The following TMEM71 variants were observed in gnomAD, a reference collection of about 807,000 sequenced individuals.
The protein encoded by TMEM71 is transmembrane protein 71.
In TMEM71, 44 loss-of-function variants were observed where a neutral mutation model predicts 38.0. The observed-to-expected ratio is 1.16, with a 90% confidence interval of 0.91 to 1.49. The LOEUF is 1.49. Among genes scored for constraint, TMEM71 ranks in the 40% most tolerant of loss-of-function variants. The pLI, the probability that TMEM71 is intolerant of heterozygous loss-of-function variation, is 0.00. For synonymous variants in TMEM71, 133 were observed against 122.5 expected, an observed-to-expected ratio of 1.09 and a Z score of -0.56; for missense variants, 367 against 348.6, an observed-to-expected ratio of 1.05 and a Z score of -0.42.
Position 132,718,913 on chromosome 8 carries a change from G to A in TMEM71, c.752+3127C>T, listed in dbSNP as rs567031655. 7.5e-4 allele frequency among the ~76,000 whole-genome samples: 114 copies of A among 152,062 alleles called. 1 individual carries two copies. The highest frequency in any genetic ancestry group is 9.1e-4 in the Non-Finnish European group (62 of 67,984). ...ATGTGAATCATTTGAAAGAGATTAC[G>A]AATAAATACAAAAAGGAAAAGAAAA... On this transcript the variant is annotated intron_variant, in intron 7 of 9. Coordinates refer to ENST00000677595, the MANE Select transcript of TMEM71 (RefSeq NM_001382403.1).
chr8:132,710,776 A>C lies in TMEM71; in HGVS notation c.*191T>G. 1 of 615,174 alleles carries C rather than the reference A, an allele frequency of 1.6e-6. No homozygotes were observed. The highest frequency in any genetic ancestry group is 2.9e-6 in the Non-Finnish European group (1 of 343,120). The allele number at this position is 615,174 out of a possible 1,614,324, so 38.1% of individuals were successfully genotyped here. A position where few individuals can be genotyped will look rare whatever the true frequency, so the allele number is the denominator to read the frequency against. ...GGGAAGGCAAATTAATATTATTTTC[A>C]TGAGCATATTATAATTTTGATGGAA... On this transcript the variant is annotated 3_prime_UTR_variant, in exon 10 of 10. Transcript: ENST00000677595.
At chr8:132,765,082 G>T (rs1829346329), upstream of TMEM71, among the ~76,000 whole-genome samples, 1 of 152,168 alleles carries the variant, frequency 6.6e-6, no homozygotes, top group Non-Finnish European at 1.5e-5. Flanking sequence ...CAACCTTCAA[G>T]CCTTAGTGGC....
At chr8:132,774,796 T>G in the TMEM71 span, among the ~76,000 whole-genome samples, 1 of 152,318 alleles carries the variant, frequency 6.6e-6, no homozygotes, top group African/African-American at 2.4e-5. Context: ...TAGCCATAGG[T>G]TAAGGTTATT....
chr8:132,721,508 T>A (rs528233881), intron 7 of TMEM71, among the ~76,000 whole-genome samples: 2 of 152,050 alleles, frequency 1.3e-5, no homozygotes, highest in Non-Finnish European at 2.9e-5. Flanking sequence ...GTACACTGGG[T>A]TTTGTATGCT....
chr8:132,728,017 T>C, intron 5 of TMEM71, 31 bp from the exon 6 acceptor site: 1 of 506,278 alleles, frequency 2.0e-6, no homozygotes, highest in Non-Finnish European at 2.6e-6. Context: ...AGTGTGAGTG[T>C]GTGTGTGTGT....
chr8:132,733,740 G>A (rs550889018), intron 5 of TMEM71, among the ~76,000 whole-genome samples: 6 of 152,254 alleles, frequency 3.9e-5, no homozygotes, highest in South Asian at 2.1e-4. Context: ...GCCAAGATGC[G>A]GAAGCAGCCT....
intron 9 of TMEM71, among the ~76,000 whole-genome samples, chr8:132,712,865 G>A (rs528885662): frequency 2.0e-5 from 3 of 151,552 alleles, no homozygotes; most frequent in East Asian, 3.9e-4. Context: ...TTGTTTTTAA[G>A]ACAAATTCTC....
chr8:132,764,206 T>TAC (rs1334252059), upstream of TMEM71, among the ~76,000 whole-genome samples: 1 of 152,160 alleles, frequency 6.6e-6, no homozygotes, highest in Non-Finnish European at 1.5e-5. Context: ...GGGCTCCAGC[T>TAC]ACATCAAATC....
chr8:132,736,449 C>A (rs969385618), intron 5 of TMEM71, among the ~76,000 whole-genome samples: 1 of 152,020 alleles, frequency 6.6e-6, no homozygotes, highest in Non-Finnish European at 1.5e-5. Flanking sequence ...GTACAAAATT[C>A]CAGTCAGACA....
At chr8:132,771,140 G>A in the TMEM71 span, among the ~76,000 whole-genome samples, 1 of 152,128 alleles carries the variant, frequency 6.6e-6, no homozygotes, top group African/African-American at 2.4e-5. Context: ...CATATTCAAT[G>A]TACTTCTATT....
chr8:132,713,951 A>G (rs371187265), intron 9 of TMEM71, 44 bp downstream of exon 9: 10 of 1,589,216 alleles, frequency 6.3e-6, no homozygotes, highest in South Asian at 1.1e-5. Context: ...TCAAATTATG[A>G]TCACCTTGGT....
chr8:132,768,910 C>G, the TMEM71 span, among the ~76,000 whole-genome samples: 3 of 152,236 alleles, frequency 2.0e-5, no homozygotes, highest in African/African-American at 7.2e-5. Flanking sequence ...CAGTTAGAGC[C>G]CAAATGCTGA....
the TMEM71 span, among the ~76,000 whole-genome samples, chr8:132,772,892 A>C: frequency 6.6e-6 from 1 of 152,226 alleles, no homozygotes; most frequent in Non-Finnish European, 1.5e-5. Flanking sequence ...CTCAAATACT[A>C]TGAGTAATTA....
chr8:132,725,047 T>TC (rs11412907), intron 6 of TMEM71, among the ~76,000 whole-genome samples: 1,092 of 49,728 alleles, frequency 0.022, 9 homozygotes, highest in South Asian at 0.075. Flanking sequence ...CTTTTTTTTC[T>TC]TTTTTTTTTT....
chr8:132,714,886 T>C (rs1221166284), intron 7 of TMEM71, among the ~76,000 whole-genome samples: 1 of 152,068 alleles, frequency 6.6e-6, no homozygotes, highest in Non-Finnish European at 1.5e-5. Flanking sequence ...GCAACCCACT[T>C]GAAAAAATGA....
intron 3 of TMEM71, among the ~76,000 whole-genome samples, chr8:132,753,774 C>G (rs1260291192): frequency 6.6e-6 from 1 of 152,146 alleles, no homozygotes; most frequent in Non-Finnish European, 1.5e-5. Flanking sequence ...AGAAAAAAAT[C>G]TCCATTATCG....
chr8:132,755,326 C>G (rs958526154), intron 3 of TMEM71, among the ~76,000 whole-genome samples: 1 of 152,208 alleles, frequency 6.6e-6, no homozygotes, highest in Non-Finnish European at 1.5e-5. Context: ...TGAACAATAT[C>G]AAACCTTTAG....
chr8:132,775,314 A>C, the TMEM71 span: 1 of 341,204 alleles, frequency 2.9e-6, no homozygotes, highest in East Asian at 4.5e-5. Flanking sequence ...AACCCTCGTG[A>C]GTCACGTGAC....
At chr8:132,752,820 GAAGGAAGA>G (rs1290335812) in intron 3 of TMEM71, among the ~76,000 whole-genome samples, 15 of 130,576 alleles carry the variant, frequency 1.1e-4, no homozygotes, top group Non-Finnish European at 1.6e-4. Context: ...AGGAAGAAGG[GAAGGAAGA>G]AAGGAAGGAA....
Sources: gnomAD v4.1 joint callset for allele counts (sites outside exome capture counted in the v4.1 genomes callset) on GRCh38, gnomAD v4.1.1 for gene constraint, MANE v1.5 for transcripts, NCBI Gene and HGNC (gene_info 2026-07-23, HGNC 2026-07-21) for gene names.